Variants in STXBP5L observed in about 807,000 individuals in gnomAD.
The protein encoded by STXBP5L is syntaxin binding protein 5L.
Under a neutral mutation model 144.5 loss-of-function variants are expected in STXBP5L, and 65 were observed. The observed-to-expected ratio is 0.45, with a 90% CI of 0.37 to 0.55. The LOEUF is 0.55. Among genes scored for constraint, STXBP5L ranks in the 20% least tolerant of loss-of-function variants. The pLI is 0.00. For missense variants in STXBP5L, 1,298 were observed against 1,405.5 expected, an observed-to-expected ratio of 0.92 and a Z score of 1.22; for synonymous variants, 505 against 469.6, an observed-to-expected ratio of 1.08 and a Z score of -0.97.
chr3:120,954,527 T>C (rs988337661), intron 2 of STXBP5L, among the ~76,000 whole-genome samples: 1 of 152,116 alleles, frequency 6.6e-6, no homozygotes, highest in Non-Finnish European at 1.5e-5. Flanking sequence ...TGTATGATTA[T>C]ATCATATCAC....
At chr3:121,393,740 G>A (rs778590738) in intron 22 of STXBP5L, among the ~76,000 whole-genome samples, 1 of 152,068 alleles carries the variant, frequency 6.6e-6, no homozygotes, top group African/African-American at 2.4e-5. Context: ...TCAGTTAGTT[G>A]TAGGTATATA....
At chr3:121,028,092 ATAAAT>A (rs1250781187) in intron 3 of STXBP5L, among the ~76,000 whole-genome samples, 2 of 151,192 alleles carry the variant, frequency 1.3e-5, no homozygotes, top group Admixed American at 6.6e-5. Context: ...CATTTGTTAA[ATAAAT>A]TAATTAATAC....
At chr3:121,201,223 G>T (rs977434100) in intron 9 of STXBP5L, among the ~76,000 whole-genome samples, 2 of 152,292 alleles carry the variant, frequency 1.3e-5, no homozygotes, top group Non-Finnish European at 2.9e-5. Context: ...ATATGTTTAG[G>T]ATAGTTAGCA....
At chr3:121,151,532 G>A (rs1157641751) in intron 7 of STXBP5L, among the ~76,000 whole-genome samples, 3 of 152,064 alleles carry the variant, frequency 2.0e-5, no homozygotes, top group African/African-American at 7.2e-5. Context: ...GCAGGCTTAG[G>A]TTATCACCAC....
At position 121,409,550 on chromosome 3, in the gene STXBP5L, C is replaced by A. The variant is rs553308091; in HGVS notation, c.2948+1947C>A. On this transcript the variant is annotated intron_variant, in intron 23 of 26. Transcript: ENST00000471454. ...AGATCAGGGTTTAGCAAATTAATAT[C>A]CAAAACAAAATCGACCTCCATTCCC... is the stretch of plus-strand genomic sequence containing the variant. Among the ~76,000 whole-genome samples the A allele has an allele frequency of 3.1e-3, 470 of 151,896 alleles. 3 individuals are homozygous for A. The highest frequency in any genetic ancestry group is 0.011 in the African/African-American group (441 of 41,498).
chr3:121,304,052 A>T (rs1258468169), intron 19 of STXBP5L, among the ~76,000 whole-genome samples: 2 of 152,142 alleles, frequency 1.3e-5, no homozygotes, highest in Admixed American at 1.3e-4. Flanking sequence ...TTGAAAGTAA[A>T]AGAAGGGGAA....
At chr3:120,979,570 G>A (rs543401409) in intron 3 of STXBP5L, among the ~76,000 whole-genome samples, 15 of 152,266 alleles carry the variant, frequency 9.9e-5, no homozygotes, top group African/African-American at 3.6e-4. Flanking sequence ...TGCACCCACT[G>A]TCTGGCACTC....
chr3:121,328,666 C>T (rs894460143), intron 20 of STXBP5L, among the ~76,000 whole-genome samples: 33 of 152,134 alleles, frequency 2.2e-4, no homozygotes, highest in African/African-American at 7.5e-4. Context: ...AGAAGAATCG[C>T]TTGAACCCAG....
At chr3:121,290,628 C>A (rs888389818) in intron 19 of STXBP5L, among the ~76,000 whole-genome samples, 1 of 152,030 alleles carries the variant, frequency 6.6e-6, no homozygotes, top group Non-Finnish European at 1.5e-5. Context: ...GACTGATATC[C>A]CTGGTGAACG....
intron 2 of STXBP5L, among the ~76,000 whole-genome samples, chr3:120,933,147 A>G (rs921578119): frequency 9.9e-5 from 15 of 151,916 alleles, no homozygotes; most frequent in Non-Finnish European, 2.2e-4. Flanking sequence ...GTATACATAT[A>G]TAACTAACCT....
At chr3:121,084,923 A>T (rs1457228633) in intron 5 of STXBP5L, among the ~76,000 whole-genome samples, 5 of 152,094 alleles carry the variant, frequency 3.3e-5, no homozygotes, top group African/African-American at 1.2e-4. Context: ...GGCATGAGAT[A>T]GTATCTCATT....
intron 5 of STXBP5L, among the ~76,000 whole-genome samples, chr3:121,096,000 C>G (rs778893565): frequency 1.8e-4 from 27 of 152,136 alleles, no homozygotes; most frequent in Admixed American, 1.2e-3. Flanking sequence ...GTGTCTGTCA[C>G]CGCTTCTCTG....
intron 7 of STXBP5L, among the ~76,000 whole-genome samples, chr3:121,148,949 A>T (rs2045829170): frequency 6.6e-6 from 1 of 152,132 alleles, no homozygotes; most frequent in African/African-American, 2.4e-5. Context: ...TAGAAATAGA[A>T]GCAAGAAAGA....
At chr3:121,100,876 G>T (rs992518015) in intron 5 of STXBP5L, among the ~76,000 whole-genome samples, 1 of 151,386 alleles carries the variant, frequency 6.6e-6, no homozygotes, top group East Asian at 1.9e-4. Flanking sequence ...AAAGAGGAAA[G>T]ATCCAAATAA....
intron 22 of STXBP5L, among the ~76,000 whole-genome samples, chr3:121,389,923 T>C (rs1336341318): frequency 6.6e-6 from 1 of 152,200 alleles, no homozygotes; most frequent in Non-Finnish European, 1.5e-5. Flanking sequence ...AGAGCTGAGT[T>C]CAAGTCCTGG....
At chr3:121,381,269 GT>G (rs35624942) in intron 21 of STXBP5L, 23 bp from the exon 22 acceptor site, 1,179,532 of 1,546,620 alleles carry the variant, frequency 0.76, 450,842 homozygotes, top group East Asian at 0.89. Flanking sequence ...AATTTGTGTG[GT>G]TTTTTTTTAT....
intron 5 of STXBP5L, among the ~76,000 whole-genome samples, chr3:121,075,977 T>C (rs144360731): frequency 4.3e-4 from 66 of 152,224 alleles, no homozygotes; most frequent in African/African-American, 1.5e-3. Context: ...GGATTGTGAG[T>C]TAGGAAAATG....
At chr3:121,163,643 A>ATAC (rs2046399746) in intron 9 of STXBP5L, among the ~76,000 whole-genome samples, 1 of 152,194 alleles carries the variant, frequency 6.6e-6, no homozygotes, top group African/African-American at 2.4e-5. Flanking sequence ...ATGAGCAAAT[A>ATAC]TGTAGCAAAG....
intron 3 of STXBP5L, among the ~76,000 whole-genome samples, chr3:121,025,889 TATA>T (rs1053815400): frequency 3.5e-4 from 52 of 146,580 alleles, no homozygotes; most frequent in African/African-American, 1.2e-3. Context: ...TTTATATATT[TATA>T]ATATATAAAT....
Sources: allele counts gnomAD v4.1 joint callset (sites outside exome capture counted in the v4.1 genomes callset), GRCh38; gene constraint gnomAD v4.1.1; transcripts MANE v1.5; gene names NCBI Gene and HGNC (gene_info 2026-07-23, HGNC 2026-07-21).